SGMS1: variants seen among roughly 807,000 people sequenced by gnomAD.
SGMS1 encodes sphingomyelin synthase 1.
A neutral mutation model predicts 46.2 loss-of-function variants in SGMS1; 13 were observed. That is an observed-to-expected ratio of 0.28 (90% confidence interval 0.18 to 0.45). The LOEUF (loss-of-function observed/expected upper bound fraction) is 0.45, where lower values mean the gene tolerates loss of function less well. SGMS1 is among the 20% of genes least tolerant of loss of function. SGMS1 has a pLI of 1.00. For synonymous variants in SGMS1, 203 were observed against 187.8 expected (o/e 1.08, Z -0.66); for missense variants, 324 against 519.9 (o/e 0.62, Z 3.66).
chr10:50,583,517 T>C (rs1838454506), intron 2 of SGMS1, among the ~76,000 whole-genome samples: 2 of 152,194 alleles, frequency 1.3e-5, no homozygotes, highest in Admixed American at 6.5e-5. Flanking sequence ...CCACAGCCAC[T>C]GGTCCAGCAT....
At chr10:50,390,593 G>C (rs763035346) in intron 6 of SGMS1, among the ~76,000 whole-genome samples, 1 of 152,068 alleles carries the variant, frequency 6.6e-6, no homozygotes, top group Non-Finnish European at 1.5e-5. Flanking sequence ...AGCTGTGATC[G>C]TGCCACTGCA....
intron 2 of SGMS1, among the ~76,000 whole-genome samples, chr10:50,569,252 G>A (rs2131854822): frequency 7.1e-6 from 1 of 141,128 alleles, no homozygotes; most frequent in East Asian, 2.1e-4. Context: ...GTATACCTGT[G>A]TAACAAACCT....
chr10:50,350,247 AC>A (rs1344597139), intron 6 of SGMS1, among the ~76,000 whole-genome samples: 1 of 152,160 alleles, frequency 6.6e-6, no homozygotes, highest in Non-Finnish European at 1.5e-5. Context: ...GTTTTAGGGT[AC>A]CTGGCGGAAG....
chr10:50,427,504 C>T (rs564324376), intron 6 of SGMS1, among the ~76,000 whole-genome samples: 15 of 152,266 alleles, frequency 9.9e-5, no homozygotes, highest in African/African-American at 3.4e-4. Flanking sequence ...ATTGAGAACA[C>T]AGCAGTCTAG....
At chr10:50,443,104 G>A (rs1315163534) in intron 5 of SGMS1, among the ~76,000 whole-genome samples, 2 of 152,136 alleles carry the variant, frequency 1.3e-5, no homozygotes, top group Non-Finnish European at 2.9e-5. Flanking sequence ...AATGTATATA[G>A]GAAAAGTCAG....
chr10:50,444,056 GAC>G (rs1220118167), intron 5 of SGMS1, among the ~76,000 whole-genome samples: 5 of 151,990 alleles, frequency 3.3e-5, no homozygotes, highest in African/African-American at 7.2e-5. Context: ...AATAAACAGA[GAC>G]ACAGAATTTT....
intron 5 of SGMS1, among the ~76,000 whole-genome samples, chr10:50,453,812 G>A (rs1837147639): frequency 3.1e-5 from 1 of 31,868 alleles, no homozygotes; most frequent in Non-Finnish European, 6.9e-5. Flanking sequence ...AAGGAGGGAG[G>A]GAGGAAGGGA....
intron 8 of SGMS1, among the ~76,000 whole-genome samples, chr10:50,326,162 T>A (rs993877414): frequency 2.0e-5 from 3 of 148,912 alleles, no homozygotes; most frequent in Non-Finnish European, 4.5e-5. Context: ...ATAAAAAAAA[T>A]TAAAAAAATT....
chr10:50,595,140 G>A (rs1838578498), intron 1 of SGMS1, among the ~76,000 whole-genome samples: 1 of 151,882 alleles, frequency 6.6e-6, no homozygotes, highest in South Asian at 2.1e-4. Flanking sequence ...CATCTACAAT[G>A]TCCTAAGCAC....
intron 2 of SGMS1, among the ~76,000 whole-genome samples, chr10:50,569,150 C>T (rs573427005): frequency 1.1e-4 from 15 of 139,908 alleles, no homozygotes; most frequent in East Asian, 8.8e-4. Flanking sequence ...TGGGGCCTGT[C>T]GGGGGGTGGG....
intron 6 of SGMS1, among the ~76,000 whole-genome samples, chr10:50,417,761 C>A (rs537937637): frequency 6.6e-6 from 1 of 152,262 alleles, no homozygotes; most frequent in South Asian, 2.1e-4. Flanking sequence ...ACTTGATAAC[C>A]CCAAACAGAA....
chr10:50,368,397 C>T (rs1848383539), intron 6 of SGMS1, among the ~76,000 whole-genome samples: 1 of 152,152 alleles, frequency 6.6e-6, no homozygotes, highest in Non-Finnish European at 1.5e-5. Context: ...CGATCTGTCA[C>T]CCAGGCTGGA....
intron 2 of SGMS1, among the ~76,000 whole-genome samples, chr10:50,587,578 C>T (rs944657113): frequency 3.3e-5 from 5 of 151,090 alleles, no homozygotes; most frequent in East Asian, 2.0e-4. Context: ...GAGCCGAGAT[C>T]GTGCCACTGC....
chr10:50,391,228 C>T (rs1263234672), intron 6 of SGMS1, among the ~76,000 whole-genome samples: 1 of 152,174 alleles, frequency 6.6e-6, no homozygotes, highest in Admixed American at 6.5e-5. Flanking sequence ...AGACCACAGA[C>T]CTAAAATCAA....
At chr10:50,353,556 C>T (rs1309148573) in intron 6 of SGMS1, among the ~76,000 whole-genome samples, 1 of 152,292 alleles carries the variant, frequency 6.6e-6, no homozygotes, top group Admixed American at 6.5e-5. Context: ...TCTCACCACT[C>T]CTATTCAACA....
chr10:50,338,835 G>A (rs1256280001), intron 7 of SGMS1, among the ~76,000 whole-genome samples: 1 of 151,892 alleles, frequency 6.6e-6, no homozygotes, highest in African/African-American at 2.4e-5. Flanking sequence ...CGCCTCCTGG[G>A]TTCAAGCGAT....
intron 5 of SGMS1, among the ~76,000 whole-genome samples, chr10:50,457,735 G>A (rs1013837310): frequency 2.6e-5 from 4 of 152,122 alleles, no homozygotes; most frequent in African/African-American, 9.7e-5. Flanking sequence ...TTACTGCAAA[G>A]GACATGATTT....
At chr10:50,507,092 C>A (rs1158138637) in intron 3 of SGMS1, among the ~76,000 whole-genome samples, 1 of 152,174 alleles carries the variant, frequency 6.6e-6, no homozygotes, top group Non-Finnish European at 1.5e-5. Flanking sequence ...GCAACTGGCA[C>A]AAGATCACAC....
At chr10:50,326,127 G>A (rs1357645343) in intron 8 of SGMS1, among the ~76,000 whole-genome samples, 1 of 151,748 alleles carries the variant, frequency 6.6e-6, no homozygotes, top group Non-Finnish European at 1.5e-5. Flanking sequence ...TCTTCCAGAG[G>A]TAAGGAAGTA....
Sources: allele counts gnomAD v4.1 joint callset (sites outside exome capture counted in the v4.1 genomes callset), GRCh38; gene constraint gnomAD v4.1.1; transcripts MANE v1.5; gene names NCBI Gene and HGNC (gene_info 2026-07-23, HGNC 2026-07-21).